The following ASB15 variants were observed in gnomAD, a reference collection of about 807,000 sequenced individuals.
ASB15 encodes the protein ankyrin repeat and SOCS box containing 15.
A neutral mutation model predicts 58.0 loss-of-function variants in ASB15; 54 were observed. The observed-to-expected ratio is 0.93, with a 90% CI of 0.75 to 1.17. The LOEUF (loss-of-function observed/expected upper bound fraction) is 1.17. ASB15 is among the 50% of genes most tolerant of loss of function. The pLI, the probability that ASB15 is intolerant of heterozygous loss-of-function variation, is 0.00. For missense variants in ASB15, 680 were observed against 707.4 expected, an observed-to-expected ratio of 0.96 and a Z score of 0.44; for synonymous variants, 249 against 262.4, an observed-to-expected ratio of 0.95 and a Z score of 0.50.
chr7:123,594,945 GT>G (rs1212383119), intron 1 of ASB15, among the ~76,000 whole-genome samples: 3 of 152,192 alleles, frequency 2.0e-5, no homozygotes, highest in African/African-American at 7.2e-5. Flanking sequence ...GCTCCACCCA[GT>G]TCGAGCTTCC....
chr7:123,592,623 A>G (rs1351830581), intron 1 of ASB15, among the ~76,000 whole-genome samples: 1 of 152,040 alleles, frequency 6.6e-6, no homozygotes, highest in African/African-American at 2.4e-5. Context: ...CCTTATTTCT[A>G]ATTTGATTGC....
chr7:123,616,552 T>C (rs1439737733), intron 6 of ASB15, 57 bp downstream of exon 6: 1 of 1,517,228 alleles, frequency 6.6e-7, no homozygotes, highest in East Asian at 2.3e-5. Context: ...GATATGTTGA[T>C]GTTATAAGTG....
At chr7:123,573,158 T>C (rs1057415415) in intron 1 of ASB15, among the ~76,000 whole-genome samples, 2 of 152,154 alleles carry the variant, frequency 1.3e-5, no homozygotes, top group Non-Finnish European at 2.9e-5. Context: ...TTCCATCATT[T>C]ATGTAAAAAT....
intron 1 of ASB15, among the ~76,000 whole-genome samples, chr7:123,586,563 CTTGTACTTGTTTAT>C (rs1341146966): frequency 6.6e-6 from 1 of 151,468 alleles, no homozygotes; most frequent in Non-Finnish European, 1.5e-5. Flanking sequence ...ATTTGATTTG[CTTGTACTTGTTTAT>C]TTTTGCTTTT....
intron 2 of ASB15, among the ~76,000 whole-genome samples, chr7:123,606,955 G>A (rs975610272): frequency 6.6e-6 from 1 of 152,050 alleles, no homozygotes; most frequent in African/African-American, 2.4e-5. Context: ...CAATTCCTTT[G>A]GATATATACA....
At chr7:123,617,911 G>A (rs1347633175) in intron 7 of ASB15, among the ~76,000 whole-genome samples, 174 bp downstream of exon 7, 4 of 152,178 alleles carry the variant, frequency 2.6e-5, no homozygotes, top group Non-Finnish European at 5.9e-5. Flanking sequence ...CCACAAGGAT[G>A]TCAAATATGA....
intron 1 of ASB15, among the ~76,000 whole-genome samples, chr7:123,570,926 G>A (rs1239639178): frequency 2.0e-5 from 3 of 152,102 alleles, no homozygotes; most frequent in Non-Finnish European, 2.9e-5. Flanking sequence ...CCAGCTGTAC[G>A]GCCTGGGTGA....
intron 7 of ASB15, among the ~76,000 whole-genome samples, chr7:123,620,548 ATATATATTTTTTTTTT>A (rs1801231317): frequency 1.0e-4 from 2 of 19,666 alleles, no homozygotes; most frequent in African/African-American, 4.4e-4. Context: ...ATATATATAT[ATATATATTTTTTTTTT>A]TTTTTTTTTT....
At position 123,639,133 on chromosome 7, in the gene ASB15, C is replaced by T. The variant is rs1802538038; in HGVS notation, c.*2152C>T. 1 of 151,086 alleles carries T rather than the reference C, an allele frequency of 6.6e-6. No individual in the cohort carries two copies. Among genetic ancestry groups the T allele is most frequent in the African/African-American group, 2.4e-5 (1 of 41,232 alleles). 9.4% of individuals were successfully genotyped at this position (151,086 alleles called of 1,614,324 possible). A position where few individuals can be genotyped will look rare whatever the true frequency, so the allele number is the denominator to read the frequency against. ...TCTTATATTTATTTTTACCTTGTTA[C>T]CGTATTCTTTAAACAGTAATATCTC... On this transcript the variant is annotated 3_prime_UTR_variant, in exon 12 of 12. Coordinates refer to ENST00000451215, the MANE Select transcript of ASB15 (RefSeq NM_001290258.2).
Position 123,618,972 on chromosome 7 carries a change from A to G in ASB15, c.451+1235A>G, listed in dbSNP as rs538174211. On this transcript the variant is annotated intron_variant, in intron 7 of 11. Transcript: ENST00000451215. ...GGGCGAATCACGAGGTCAGGAGTTCAAGACCAGCCTGGCCAGCATGGTGAA... is the reference window on the plus strand; with the variant it reads ...GGGCGAATCACGAGGTCAGGAGTTCGAGACCAGCCTGGCCAGCATGGTGAA... 1.2e-3 allele frequency among the ~76,000 whole-genome samples: 183 copies of G among 152,042 alleles called. 2 individuals are homozygous for G. The Middle Eastern group carries it at 0.024, about 20-fold the overall frequency.
chr7:123,632,207 C>G (rs1032633744), intron 11 of ASB15, among the ~76,000 whole-genome samples: 1 of 151,910 alleles, frequency 6.6e-6, no homozygotes, highest in African/African-American at 2.4e-5. Flanking sequence ...AAAATAATAT[C>G]AGATATGAAA....
chr7:123,627,298 A>G lies in ASB15; in HGVS notation c.869+17A>G. The G allele has an allele frequency of 6.3e-7, 1 of 1,591,792 alleles. No individual in the cohort carries two copies. Among genetic ancestry groups the G allele is most frequent in the Non-Finnish European group, 8.6e-7 (1 of 1,161,272 alleles). On this transcript the variant is annotated intron_variant, in intron 9 of 11. Coordinates refer to ENST00000451215, the MANE Select transcript of ASB15 (RefSeq NM_001290258.2). ...GCATTATCTGTGAGTGATAAATTAT[A>G]GGGTAATTATTTGAGTTAAAAATGC...
At chr7:123,613,365 G>C (rs1485357177) in intron 3 of ASB15, among the ~76,000 whole-genome samples, 1 of 152,028 alleles carries the variant, frequency 6.6e-6, no homozygotes, top group Non-Finnish European at 1.5e-5. Context: ...GGCTTGAAAA[G>C]TACCATCAAT....
chr7:123,574,882 C>T (rs1399332656), intron 1 of ASB15, among the ~76,000 whole-genome samples: 1 of 151,980 alleles, frequency 6.6e-6, no homozygotes, highest in Non-Finnish European at 1.5e-5. Flanking sequence ...GTCTTGAAGA[C>T]TTTACTGGAT....
At chr7:123,631,450 T>A (rs1222004931) in intron 11 of ASB15, among the ~76,000 whole-genome samples, 8 of 152,210 alleles carry the variant, frequency 5.3e-5, no homozygotes, top group African/African-American at 1.9e-4. Context: ...TATTGTAAAG[T>A]ATTATCATGC....
intron 1 of ASB15, among the ~76,000 whole-genome samples, chr7:123,571,759 A>G (rs1424009594): frequency 6.6e-6 from 1 of 152,208 alleles, no homozygotes; most frequent in African/African-American, 2.4e-5. Flanking sequence ...AGAAAAGTGA[A>G]AGAAGTTGAT....
intron 3 of ASB15, among the ~76,000 whole-genome samples, chr7:123,611,896 C>T (rs941853116): frequency 4.0e-5 from 6 of 151,654 alleles, no homozygotes; most frequent in African/African-American, 7.3e-5. Context: ...GAAAGTGTTC[C>T]GATCATTTTC....
chr7:123,626,664 G>A (rs1801810377), intron 8 of ASB15, among the ~76,000 whole-genome samples: 1 of 152,120 alleles, frequency 6.6e-6, no homozygotes, highest in Non-Finnish European at 1.5e-5. Flanking sequence ...AGAAAACATG[G>A]AGGCCCTTAA....
At chr7:123,623,356 A>G (rs1474852766) in intron 7 of ASB15, among the ~76,000 whole-genome samples, 1 of 152,238 alleles carries the variant, frequency 6.6e-6, no homozygotes, top group Non-Finnish European at 1.5e-5. Flanking sequence ...TTAGAAGTGT[A>G]TACATCTAAA....
Sources: gnomAD v4.1 joint callset for allele counts (sites outside exome capture counted in the v4.1 genomes callset) on GRCh38, gnomAD v4.1.1 for gene constraint, MANE v1.5 for transcripts, NCBI Gene and HGNC (gene_info 2026-07-23, HGNC 2026-07-21) for gene names.